RABGAP1L: variants seen among roughly 807,000 people sequenced by gnomAD.
RABGAP1L encodes RAB GTPase activating protein 1 like, also known as rab GTPase-activating protein 1-like.
In RABGAP1L, 63 loss-of-function variants were observed where a neutral mutation model predicts 137.7. That is an observed-to-expected ratio of 0.46 (90% CI 0.37 to 0.56). RABGAP1L has a LOEUF of 0.56. Among genes scored for constraint, RABGAP1L ranks in the 20% least tolerant of loss-of-function variants. The pLI is 0.00. For missense variants in RABGAP1L, 1,095 were observed against 1,244.0 expected, an observed-to-expected ratio of 0.88 and a Z score of 1.80; for synonymous variants, 431 against 433.7, an observed-to-expected ratio of 0.99 and a Z score of 0.08.
chr1:174,665,896 A>G (rs1167400173), intron 14 of RABGAP1L, among the ~76,000 whole-genome samples: 1 of 152,258 alleles, frequency 6.6e-6, no homozygotes, highest in Non-Finnish European at 1.5e-5. Context: ...AATAAATGTT[A>G]GTTATTTAAC....
chr1:174,665,600 C>T (rs1028321512), intron 14 of RABGAP1L, among the ~76,000 whole-genome samples: 3 of 152,186 alleles, frequency 2.0e-5, no homozygotes, highest in African/African-American at 4.8e-5. Context: ...GGATTATAGG[C>T]GTGCACCACT....
chr1:174,842,370 G>GA (rs1693509290), intron 19 of RABGAP1L, among the ~76,000 whole-genome samples: 1 of 152,084 alleles, frequency 6.6e-6, no homozygotes, highest in African/African-American at 2.4e-5. Context: ...TGGCACAACA[G>GA]AAAAAACTCA....
At chr1:174,906,272 A>G (rs930496433) in intron 19 of RABGAP1L, among the ~76,000 whole-genome samples, 1 of 151,874 alleles carries the variant, frequency 6.6e-6, no homozygotes, top group South Asian at 2.1e-4. Context: ...ACCCAATTCA[A>G]CCTCCCAAAG....
chr1:174,876,252 G>T (rs1344515014), intron 19 of RABGAP1L, among the ~76,000 whole-genome samples: 1 of 152,042 alleles, frequency 6.6e-6, no homozygotes, highest in Non-Finnish European at 1.5e-5. Context: ...ATTTCAACTG[G>T]TTGAAATGTT....
chr1:174,544,872 C>G (rs1466112686), intron 13 of RABGAP1L: 3 of 199,806 alleles, frequency 1.5e-5, no homozygotes. Flanking sequence ...GAGGTCCACT[C>G]CAGACCCTGT....
intron 19 of RABGAP1L, among the ~76,000 whole-genome samples, chr1:174,886,334 C>CT (rs1655122782): frequency 6.6e-6 from 1 of 152,182 alleles, no homozygotes; most frequent in Admixed American, 6.5e-5. Flanking sequence ...TACATCAAAA[C>CT]TCACCACAGT....
chr1:174,632,523 G>C (rs1398468470), intron 13 of RABGAP1L, among the ~76,000 whole-genome samples: 1 of 150,298 alleles, frequency 6.7e-6, no homozygotes, highest in Non-Finnish European at 1.5e-5. Flanking sequence ...ATCACTTTGA[G>C]GTACACCAAT....
At chr1:174,332,659 G>A (rs928116710) in intron 11 of RABGAP1L, among the ~76,000 whole-genome samples, 2 of 152,092 alleles carry the variant, frequency 1.3e-5, no homozygotes, top group Admixed American at 6.6e-5. Context: ...GCCTTCCAAA[G>A]TGTTGGGATT....
chr1:174,785,831 T>C (rs1687412372), intron 18 of RABGAP1L, among the ~76,000 whole-genome samples: 1 of 152,236 alleles, frequency 6.6e-6, no homozygotes, highest in African/African-American at 2.4e-5. Flanking sequence ...AGAATGCTTA[T>C]ATATTAGACT....
At position 174,898,641 on chromosome 1, in the gene RABGAP1L, C is replaced by T. The variant is rs1657629386; in HGVS notation, c.2341-58816C>T. ...TGGATAATAAAGTAATGATGCTTGC[C>T]TGAATAACAGCAGTTCTCTGTTGGG... On this transcript the variant is annotated intron_variant, in intron 19 of 25. Transcript: ENST00000681986. Among the ~76,000 whole-genome samples, 3 of 152,208 alleles carry T rather than the reference C, an allele frequency of 2.0e-5. No homozygotes were observed. In the South Asian group the frequency reaches 6.2e-4, roughly 32 times the overall value.
intron 14 of RABGAP1L, among the ~76,000 whole-genome samples, chr1:174,653,952 G>T (rs1307478676): frequency 1.3e-5 from 2 of 152,202 alleles, no homozygotes; most frequent in African/African-American, 4.8e-5. Context: ...ACAGGATTAA[G>T]TGTGTAAGAA....
chr1:174,358,599 G>C (rs190697821), intron 11 of RABGAP1L, among the ~76,000 whole-genome samples: 4 of 152,166 alleles, frequency 2.6e-5, no homozygotes, highest in African/African-American at 7.2e-5. Flanking sequence ...CTTCACCCAG[G>C]ATGGCCTCCT....
intron 13 of RABGAP1L, among the ~76,000 whole-genome samples, chr1:174,459,398 A>G (rs912192146): frequency 6.6e-6 from 1 of 152,160 alleles, no homozygotes. Context: ...GAATAAAAGG[A>G]AACACTTACA....
chr1:174,870,291 C>T (rs1232672060), intron 19 of RABGAP1L, among the ~76,000 whole-genome samples: 1 of 152,178 alleles, frequency 6.6e-6, no homozygotes, highest in African/African-American at 2.4e-5. Flanking sequence ...TTCACTTTGC[C>T]TATCTAAATT....
chr1:174,173,192 A>C (rs960016581), intron 1 of RABGAP1L, among the ~76,000 whole-genome samples: 11 of 149,656 alleles, frequency 7.4e-5, no homozygotes, highest in Non-Finnish European at 1.6e-4. Context: ...GTGCAATGGC[A>C]TGGTCTCGGT....
intron 11 of RABGAP1L, among the ~76,000 whole-genome samples, chr1:174,342,174 A>T (rs1682029471): frequency 6.6e-6 from 1 of 152,190 alleles, no homozygotes; most frequent in Non-Finnish European, 1.5e-5. Flanking sequence ...CATATTAAAC[A>T]TTAACATTTT....
intron 19 of RABGAP1L, among the ~76,000 whole-genome samples, chr1:174,851,361 T>C (rs1260007230): frequency 4.6e-5 from 7 of 152,202 alleles, no homozygotes; most frequent in African/African-American, 1.7e-4. Context: ...AGAGGCTGCA[T>C]CGTTTCCATT....
chr1:174,577,000 TA>T (rs1263812908), intron 13 of RABGAP1L, among the ~76,000 whole-genome samples: 1 of 151,946 alleles, frequency 6.6e-6, no homozygotes, highest in Non-Finnish European at 1.5e-5. Flanking sequence ...TTGGGCAACA[TA>T]ACCACATCTT....
At position 174,448,110 on chromosome 1, in the gene RABGAP1L, C is replaced by G. The variant is rs559177505; in HGVS notation, c.1710+53965C>G. On this transcript the variant is annotated intron_variant, in intron 13 of 25. Coordinates refer to ENST00000681986, the MANE Select transcript of RABGAP1L (RefSeq NM_001366446.1). This position sits in a 1 kb window ranked among gnomAD's most constrained non-coding sequence, Gnocchi z 4.2. Reference sequence around the variant, plus strand: ...CTGCAGGTGTCTTTAAATTTCCAAGCCATGAATGAATCCAGGTGGACTGAA... The same window carrying G: ...CTGCAGGTGTCTTTAAATTTCCAAGGCATGAATGAATCCAGGTGGACTGAA... 1.9e-6 allele frequency: 3 copies of G among 1,606,162 alleles called. No homozygotes were observed. Among genetic ancestry groups the G allele is most frequent in the Non-Finnish European group, 2.6e-6 (3 of 1,175,456 alleles).
Sources: gnomAD v4.1 joint callset for allele counts (sites outside exome capture counted in the v4.1 genomes callset) on GRCh38, gnomAD v4.1.1 for gene constraint, Gnocchi (gnomAD v3.1) non-coding constraint, MANE v1.5 for transcripts, NCBI Gene and HGNC (gene_info 2026-07-23, HGNC 2026-07-21) for gene names.